Variants in PSMA2 observed in about 807,000 individuals in gnomAD.
PSMA2 encodes proteasome 20S subunit alpha 2, also known as proteasome subunit alpha type-2.
Under a neutral mutation model 35.9 loss-of-function variants are expected in PSMA2, and 2 were observed. That is an observed-to-expected ratio of 0.06 (90% confidence interval 0.02 to 0.18). The LOEUF (loss-of-function observed/expected upper bound fraction) is 0.18, where lower values mean the gene tolerates loss of function less well. Among genes scored for constraint, PSMA2 ranks in the 10% least tolerant of loss-of-function variants. PSMA2 has a pLI of 1.00. For synonymous variants in PSMA2, 97 were observed against 98.2 expected, an observed-to-expected ratio of 0.99 and a Z score of 0.07; for missense variants, 126 against 278.8, an observed-to-expected ratio of 0.45 and a Z score of 3.90.
intron 5 of PSMA2, among the ~76,000 whole-genome samples, chr7:42,923,084 C>G (rs144972497): frequency 6.6e-6 from 1 of 152,126 alleles, no homozygotes; most frequent in African/African-American, 2.4e-5. Context: ...ACAAATCACC[C>G]AAGTGTATGA....
chr7:42,932,032 A>G (rs1202065871), intron 1 of PSMA2, 86 bp downstream of exon 1: 5 of 1,554,466 alleles, frequency 3.2e-6, no homozygotes, highest in Admixed American at 1.7e-5. Flanking sequence ...AGAAGCACCA[A>G]TGCCGACGTC....
At chr7:42,919,193 G>A (rs1786085807) in intron 6 of PSMA2, 1 of 599,586 alleles carries the variant, frequency 1.7e-6, no homozygotes. Context: ...GGAGATACAG[G>A]AGACTGGATT....
At chr7:42,927,339 A>G (rs770814567) in intron 2 of PSMA2, 44 bp downstream of exon 2, 1 of 1,506,536 alleles carries the variant, frequency 6.6e-7, no homozygotes, top group Non-Finnish European at 9.2e-7. Flanking sequence ...AATAATTAGG[A>G]TAACTACTAA....
At chr7:42,922,065 C>T (rs746580864) in intron 5 of PSMA2, 134 bp from the exon 6 acceptor site, 11 of 672,862 alleles carry the variant, frequency 1.6e-5, no homozygotes, top group Non-Finnish European at 2.2e-5. Flanking sequence ...GAATGGAAAA[C>T]GTCACAGAAT....
chr7:42,931,807 T>C (rs1162312152), intron 1 of PSMA2, among the ~76,000 whole-genome samples: 2 of 152,042 alleles, frequency 1.3e-5, no homozygotes, highest in African/African-American at 4.8e-5. Context: ...CCAGAGATGG[T>C]TAAGCTAAAA....
intron 4 of PSMA2, 48 bp from the exon 5 acceptor site, chr7:42,923,454 G>C: frequency 1.4e-6 from 2 of 1,445,944 alleles, no homozygotes; most frequent in Non-Finnish European, 9.7e-7. Context: ...TGGTGTTAAA[G>C]TCATCCTCAA....
At chr7:42,921,952 A>T in intron 5 of PSMA2, 21 bp from the exon 6 acceptor site, 1 of 1,584,862 alleles carries the variant, frequency 6.3e-7, no homozygotes, top group Non-Finnish European at 8.6e-7. Flanking sequence ...AAGAAAGAGT[A>T]AAAAACCATA....
At position 42,922,020 on chromosome 7, in the gene PSMA2, T is replaced by C. The variant is rs953781862; in HGVS notation, c.457-89A>G. The C allele has an allele frequency of 1.5e-5, 15 of 1,011,254 alleles. No homozygotes were observed. The Admixed American group carries it at 2.7e-4, about 18-fold the overall frequency. The allele number at this position is 1,011,254 out of a possible 1,614,324, so 62.6% of individuals were successfully genotyped here. The stretch of plus-strand genomic sequence containing the variant: ...CCATTTAATTTTTAGCTTTATTAAT[T>C]GTTCTCTAACTTCGAAGGTCACAGA... On this transcript the variant is annotated intron_variant, in intron 5 of 7. Coordinates refer to ENST00000223321, the MANE Select transcript of PSMA2 (RefSeq NM_002787.5).
chr7:42,923,333 C>G lies in PSMA2; in HGVS notation c.448G>C (p.Asp150His), dbSNP rs1786156386. ...CATTAAATGATACTTACAGATGGAT[C>G]TGACTGAAATAAATATGGTCGTCCC... ...NEGRPYLFQS[D>H]PSGAYFAWKA... Residue 150 changes from aspartate to histidine, a missense_variant, in exon 5 of 8, where the codon GAT becomes CAT. Asp to His is a moderately conservative substitution (Grantham distance 81). Coordinates refer to ENST00000223321, the MANE Select transcript of PSMA2 (RefSeq NM_002787.5). 6.2e-7 allele frequency: 1 copy of G among 1,603,172 alleles called. No homozygotes were observed. The highest frequency in any genetic ancestry group is 8.5e-7 in the Non-Finnish European group (1 of 1,170,394).
At chr7:42,922,166 T>C (rs1197785088) in intron 5 of PSMA2, among the ~76,000 whole-genome samples, 1 of 152,142 alleles carries the variant, frequency 6.6e-6, no homozygotes, top group Non-Finnish European at 1.5e-5. Flanking sequence ...ATCCTCATTG[T>C]AGTAATGGTT....
At chr7:42,927,322 A>G in intron 2 of PSMA2, 61 bp downstream of exon 2, 1 of 1,436,142 alleles carries the variant, frequency 7.0e-7, no homozygotes, top group Non-Finnish European at 9.7e-7. Flanking sequence ...TTACTAATGA[A>G]TTCCAAAATA....
chr7:42,924,872 C>T, intron 3 of PSMA2, 75 bp from the exon 4 acceptor site: 3 of 1,405,642 alleles, frequency 2.1e-6, no homozygotes, highest in Non-Finnish European at 2.9e-6. Context: ...CTTTTACAGG[C>T]ATGTACCTGC....
At chr7:42,928,699 T>A (rs1786249822) in intron 1 of PSMA2, among the ~76,000 whole-genome samples, 1 of 152,220 alleles carries the variant, frequency 6.6e-6, no homozygotes, top group Non-Finnish European at 1.5e-5. Context: ...AGGCCGTATT[T>A]TCTCTTCATA....
chr7:42,917,571 T>C lies in PSMA2; in HGVS notation c.*3A>G. ...AATTCTGGATTTTTCAGTCACTTCA[T>C]TGTTATGCTATGGCAGCCAAGTAAT... On this transcript the variant is annotated 3_prime_UTR_variant, in exon 8 of 8. Transcript: ENST00000223321. 6.2e-7 allele frequency: 1 copy of C among 1,606,142 alleles called. No individual in the cohort carries two copies.
At chr7:42,918,303 G>C (rs1015657970) in intron 6 of PSMA2, 1 of 152,246 alleles carries the variant, frequency 6.6e-6, no homozygotes, top group African/African-American at 2.4e-5. Flanking sequence ...AAAGTGCTGG[G>C]ATTACAGGCA....
At position 42,932,152 on chromosome 7, in the gene PSMA2, C is replaced by G; in HGVS notation, c.7G>C (p.Glu3Gln). 1 of 1,614,162 alleles carries G rather than the reference C, an allele frequency of 6.2e-7. No individual in the cohort carries two copies. ...GTCAGCGAAAAGCTGTACCCGCGCT[C>G]CGCCATCTTTACCCGAAGAGCCAAA... The part of the protein sequence containing the change: MA[E>Q]RGYSFSLTTF... Residue 3 changes from glutamate (E) to glutamine (Q), a missense_variant, in exon 1 of 8, where the codon GAG becomes CAG. Physicochemically the swap from Glu to Gln is conservative, Grantham distance 29 (BLOSUM62 2). Transcript: ENST00000223321.
At chr7:42,931,442 G>A (rs1436394457) in intron 1 of PSMA2, among the ~76,000 whole-genome samples, 1 of 152,108 alleles carries the variant, frequency 6.6e-6, no homozygotes, top group Non-Finnish European at 1.5e-5. Flanking sequence ...TTCTACAATA[G>A]AAAAACCTAC....
At chr7:42,920,173 C>T in intron 6 of PSMA2, 1 of 349,804 alleles carries the variant, frequency 2.9e-6, no homozygotes, top group East Asian at 5.9e-5. Context: ...CAGAGTTACT[C>T]TCTGCTTAAG....
Position 42,923,397 on chromosome 7 carries a change from A to G in PSMA2, c.384T>C (p.Arg128=), listed in dbSNP as rs1179009285. 3.1e-6 allele frequency: 5 copies of G among 1,612,026 alleles called. No individual in the cohort carries two copies. Among genetic ancestry groups the G allele is most frequent in the Non-Finnish European group, 4.2e-6 (5 of 1,178,340 alleles). The change falls in exon 5 of 8, where the codon CGT becomes CGC. Residue 128 remains arginine, a synonymous_variant. Transcript: ENST00000223321. ...MQEYTQSGGV[R]PFGVSLLICG... ...AAATAAGTAAAGAAACTCCAAATGG[A>G]CGAACACCACTGCAGGGAGGAAAAT... is the stretch of plus-strand genomic sequence containing the variant.
Sources: gnomAD v4.1 joint callset for allele counts (sites outside exome capture counted in the v4.1 genomes callset) on GRCh38, gnomAD v4.1.1 for gene constraint, MANE v1.5 for transcripts, NCBI Gene and HGNC (gene_info 2026-07-23, HGNC 2026-07-21) for gene names.